The following MAST4 variants were observed in gnomAD, a reference collection of about 807,000 sequenced individuals.
MAST4 encodes microtubule associated serine/threonine kinase family member 4.
Under a neutral mutation model 162.7 loss-of-function variants are expected in MAST4, and 89 were observed. The observed-to-expected ratio is 0.55, with a 90% CI of 0.46 to 0.65. The LOEUF is 0.65. Ranked by LOEUF, MAST4 falls within the 30% of genes least tolerant of loss-of-function variation. The pLI is 0.00. For missense variants in MAST4, 3,153 were observed against 3,374.0 expected (o/e 0.93, Z 1.62); for synonymous variants, 1,479 against 1,361.1 (o/e 1.09, Z -1.91).
At chr5:66,904,555 C>T (rs1402055699) in intron 4 of MAST4, among the ~76,000 whole-genome samples, 2 of 152,106 alleles carry the variant, frequency 1.3e-5, no homozygotes, top group African/African-American at 4.8e-5. Flanking sequence ...TGTTTCATGG[C>T]CTTGTAGGTC....
intron 4 of MAST4, among the ~76,000 whole-genome samples, chr5:66,929,281 G>C (rs905071463): frequency 1.3e-5 from 2 of 152,268 alleles, no homozygotes; most frequent in Non-Finnish European, 2.9e-5. Flanking sequence ...AAGGGCAGGA[G>C]AAGACACATG....
At chr5:66,786,707 C>G (rs1380752380) in intron 2 of MAST4, among the ~76,000 whole-genome samples, 1 of 152,092 alleles carries the variant, frequency 6.6e-6, no homozygotes, top group African/African-American at 2.4e-5. Flanking sequence ...CTTAGTTCAG[C>G]TTTTAGTGCA....
chr5:66,864,169 A>G (rs1410192898), intron 3 of MAST4, among the ~76,000 whole-genome samples: 1 of 151,702 alleles, frequency 6.6e-6, no homozygotes. Flanking sequence ...ATACATATAC[A>G]GTATTATGTC....
chr5:67,142,008 T>G (rs1462611667), intron 19 of MAST4, 107 bp from the exon 20 acceptor site: 2 of 1,145,472 alleles, frequency 1.7e-6, no homozygotes, highest in Non-Finnish European at 2.5e-6. Flanking sequence ...ATGTCTGTAT[T>G]TCTTTGCTGA....
intron 1 of MAST4, among the ~76,000 whole-genome samples, chr5:66,650,455 C>G (rs368942339): frequency 5.3e-5 from 8 of 152,126 alleles, no homozygotes; most frequent in African/African-American, 1.7e-4. Flanking sequence ...CTGGAAAGAA[C>G]AGCACAGTAG....
At chr5:67,075,949 T>A (rs1012603344) in intron 5 of MAST4, among the ~76,000 whole-genome samples, 1 of 152,220 alleles carries the variant, frequency 6.6e-6, no homozygotes, top group Non-Finnish European at 1.5e-5. Context: ...ATTGTAGTAG[T>A]CCTGGGAAAC....
intron 3 of MAST4, among the ~76,000 whole-genome samples, chr5:66,879,059 C>T (rs1761498468): frequency 6.6e-6 from 1 of 152,164 alleles, no homozygotes; most frequent in Non-Finnish European, 1.5e-5. Flanking sequence ...GCTGGCAGAT[C>T]ACGAGGTCAG....
chr5:66,848,501 C>T (rs1166652973), intron 3 of MAST4, among the ~76,000 whole-genome samples: 1 of 152,144 alleles, frequency 6.6e-6, no homozygotes, highest in Non-Finnish European at 1.5e-5. Flanking sequence ...CACCAATGAT[C>T]AGTTAGCCTC....
intron 2 of MAST4, among the ~76,000 whole-genome samples, chr5:66,781,930 TTATTGCAGACTTGGTATTTTTC>T (rs1171780087): frequency 2.4e-4 from 36 of 152,236 alleles, no homozygotes; most frequent in African/African-American, 8.4e-4. Context: ...TCTGCTAAAA[TTATTGCAGACTTGGTATTTTTC>T]TACTTCAGAG....
chr5:67,141,359 C>T (rs990088674), intron 19 of MAST4, among the ~76,000 whole-genome samples: 11 of 152,090 alleles, frequency 7.2e-5, no homozygotes, highest in Non-Finnish European at 1.5e-4. Flanking sequence ...CTGATTCTTA[C>T]GCTATGATAT....
chr5:66,706,608 A>ATTTTTTTTTTTTTT (rs11294899), intron 1 of MAST4, among the ~76,000 whole-genome samples: 1 of 149,184 alleles, frequency 6.7e-6, no homozygotes. Context: ...AGAAATAGTA[A>ATTTTTTTTTTTTTT]TTTTTTTTTT....
At chr5:66,760,944 A>G (rs1753820437) in intron 2 of MAST4, among the ~76,000 whole-genome samples, 1 of 152,236 alleles carries the variant, frequency 6.6e-6, no homozygotes, top group Non-Finnish European at 1.5e-5. Flanking sequence ...ATGAATATGT[A>G]TAAATTATTC....
chr5:67,165,437 T>G lies in MAST4; in HGVS notation c.6258T>G (p.Leu2086=). The change falls in exon 29 of 29, where the codon CTT becomes CTG. Residue 2086 remains leucine, a synonymous_variant. Coordinates refer to ENST00000403625, the MANE Select transcript of MAST4 (RefSeq NM_001164664.2). ...GCGTGGAACCCAAGCCCGAAGCGCT[T>G]CTTGCCAGGCGGTCTCTGCAGCCAC... ...RRGVEPKPEA[L]LARRSLQPPG... 2 of 1,613,898 alleles carry G rather than the reference T, an allele frequency of 1.2e-6. No homozygotes were observed. The highest frequency in any genetic ancestry group is 1.7e-6 in the Non-Finnish European group (2 of 1,179,894).
At chr5:66,767,727 A>C (rs1754166297) in intron 2 of MAST4, among the ~76,000 whole-genome samples, 1 of 152,164 alleles carries the variant, frequency 6.6e-6, no homozygotes, top group South Asian at 2.1e-4. Context: ...CGAGTCCCAA[A>C]AGTGGAGAAC....
intron 1 of MAST4, among the ~76,000 whole-genome samples, chr5:66,711,738 T>C (rs4429803): frequency 0.72 from 109,387 of 152,024 alleles, 39,941 homozygotes; most frequent in East Asian, 0.88. Context: ...AGGAGGCTGA[T>C]GCAGGAGAAT....
rs544574471 is a variant in MAST4 at position 66,724,457 on chromosome 5, CAG to C, written c.364-35251_364-35250del. The stretch of plus-strand genomic sequence containing the variant: ...GATCATTCTTGCCCTAGCTTGGTAA[CAG>C]GGGAGTGTATTTATGTATTATGAAA... On this transcript the variant is annotated intron_variant, in intron 1 of 28. Transcript: ENST00000403625. Among the ~76,000 whole-genome samples, 91 of 152,182 alleles carry C rather than the reference CAG, an allele frequency of 6.0e-4. 2 individuals carry two copies. In the South Asian group the frequency reaches 8.7e-3, roughly 15 times the overall value.
intron 3 of MAST4, among the ~76,000 whole-genome samples, chr5:66,845,126 T>TATATATATATACATACAC (rs1358855625): frequency 6.0e-5 from 4 of 67,176 alleles, no homozygotes; most frequent in African/African-American, 2.2e-4. Context: ...TATATATATA[T>TATATATATATACATACAC]ACACACACAC....
intron 14 of MAST4, 30 bp from the exon 15 acceptor site, chr5:67,130,180 G>A: frequency 6.3e-7 from 1 of 1,586,576 alleles, no homozygotes; most frequent in Non-Finnish European, 8.6e-7. Context: ...CTCTCCTCCT[G>A]TCAACCCCAA....
At position 67,144,683 on chromosome 5, in the gene MAST4, A is replaced by G. The variant is rs1302129131; in HGVS notation, c.2745A>G (p.Ile915Met). 6.2e-7 allele frequency: 1 copy of G among 1,613,918 alleles called. No homozygotes were observed. Among genetic ancestry groups the G allele is most frequent in the Non-Finnish European group, 8.5e-7 (1 of 1,179,808 alleles). Reference sequence around the variant, plus strand: ...TTGCCTTCCAGGTTTTCAGCAGTATAGATCGAATCACTCAGAATTCAGCAG... The same window carrying G: ...TTGCCTTCCAGGTTTTCAGCAGTATGGATCGAATCACTCAGAATTCAGCAG... ...SHRFSKVFSS[I>M]DRITQNSAEE... is the part of the protein sequence containing the mutation. The change falls in exon 22 of 29, where the codon ATA becomes ATG. Residue 915 changes from isoleucine (I) to methionine (M), a missense_variant. Physicochemically the swap from Ile to Met is conservative, Grantham distance 10. Transcript: ENST00000403625.
Sources: gnomAD v4.1 joint callset for allele counts (sites outside exome capture counted in the v4.1 genomes callset) on GRCh38, gnomAD v4.1.1 for gene constraint, MANE v1.5 for transcripts, NCBI Gene and HGNC (gene_info 2026-07-23, HGNC 2026-07-21) for gene names.